The following IL1RAPL2 variants were observed in gnomAD, a reference collection of about 807,000 sequenced individuals.
IL1RAPL2 encodes the protein X-linked interleukin-1 receptor accessory protein-like 2.
IL1RAPL2 carries 3 observed loss-of-function variants against 44.1 expected under a neutral mutation model. That is an observed-to-expected ratio of 0.07 (90% CI 0.03 to 0.18). IL1RAPL2 has a LOEUF of 0.18. IL1RAPL2 is among the 10% of genes least tolerant of loss of function. IL1RAPL2 has a pLI of 1.00. For missense variants in IL1RAPL2, 391 were observed against 496.4 expected (o/e 0.79, Z 2.02); for synonymous variants, 181 against 178.8 (o/e 1.01, Z -0.10).
intron 2 of IL1RAPL2, among the ~76,000 whole-genome samples, chrX:104,822,092 T>C (rs1602744087): frequency 9.0e-6 from 1 of 111,688 alleles, no homozygotes; most frequent in South Asian, 3.7e-4. Context: ...TGATGGGGTG[T>C]TTTTTTGTTG....
chrX:104,638,781 A>G, intron 1 of IL1RAPL2, among the ~76,000 whole-genome samples: 1 of 112,436 alleles, frequency 8.9e-6, no homozygotes, highest in East Asian at 2.8e-4. Context: ...GGCCTAACAT[A>G]TGGTCTATTC....
intron 2 of IL1RAPL2, among the ~76,000 whole-genome samples, chrX:104,871,718 T>C (rs1240994556): frequency 8.9e-6 from 1 of 111,779 alleles, no homozygotes; most frequent in Non-Finnish European, 1.9e-5. Flanking sequence ...CAAACTGAGA[T>C]ATCTTCAATA....
intron 8 of IL1RAPL2, among the ~76,000 whole-genome samples, chrX:105,747,146 G>A (rs1040552621): frequency 9.1e-6 from 1 of 110,261 alleles, no homozygotes; most frequent in Non-Finnish European, 1.9e-5. Flanking sequence ...GGAGAGCCAC[G>A]TTTTACATAG....
At chrX:105,463,573 CA>C (rs2147767647) in intron 5 of IL1RAPL2, among the ~76,000 whole-genome samples, 1 of 2,484 alleles carries the variant, frequency 4.0e-4, no homozygotes, top group South Asian at 0.012. Context: ...CTCTCTCCCA[CA>C]CACACACACA....
At chrX:105,317,109 T>C (rs1055598130) in intron 5 of IL1RAPL2, among the ~76,000 whole-genome samples, 31 of 111,985 alleles carry the variant, frequency 2.8e-4, no homozygotes, top group African/African-American at 8.8e-4. Context: ...AGAACTAGGC[T>C]GTATGTTTAA....
At chrX:105,516,011 AG>A (rs748961159) in intron 6 of IL1RAPL2, among the ~76,000 whole-genome samples, 66 of 111,802 alleles carry the variant, frequency 5.9e-4, no homozygotes, top group African/African-American at 2.0e-3. Flanking sequence ...GGCTGTCAGA[AG>A]GGTTTAGAAG....
At chrX:105,385,491 T>C (rs1002349964) in intron 5 of IL1RAPL2, among the ~76,000 whole-genome samples, 4 of 110,791 alleles carry the variant, frequency 3.6e-5, no homozygotes, top group African/African-American at 9.8e-5. Flanking sequence ...ACTTACAACA[T>C]AGTACATCAT....
chrX:105,256,439 C>G (rs1412637531), intron 4 of IL1RAPL2, among the ~76,000 whole-genome samples: 2 of 109,403 alleles, frequency 1.8e-5, no homozygotes, highest in Non-Finnish European at 3.8e-5. Flanking sequence ...AGCAATTCTC[C>G]TATCTCAGCC....
chrX:104,734,100 T>C (rs1931971036), intron 2 of IL1RAPL2, among the ~76,000 whole-genome samples: 1 of 112,187 alleles, frequency 8.9e-6, no homozygotes, highest in Non-Finnish European at 1.9e-5. Flanking sequence ...GGGATGTCAC[T>C]ACATGCCTAT....
intron 2 of IL1RAPL2, among the ~76,000 whole-genome samples, chrX:104,856,673 A>C (rs1237771311): frequency 8.9e-6 from 1 of 112,073 alleles, no homozygotes; most frequent in African/African-American, 3.2e-5. Flanking sequence ...TCTTATACAT[A>C]ATGATAATGG....
At chrX:105,458,999 A>G (rs1431676477) in intron 5 of IL1RAPL2, among the ~76,000 whole-genome samples, 1 of 111,589 alleles carries the variant, frequency 9.0e-6, no homozygotes, top group African/African-American at 3.3e-5. Context: ...GCCAATTAAA[A>G]CACCACGAAG....
intron 6 of IL1RAPL2, among the ~76,000 whole-genome samples, chrX:105,609,642 G>T (rs2037320694): frequency 8.9e-6 from 1 of 111,732 alleles, no homozygotes; most frequent in Non-Finnish European, 1.9e-5. Flanking sequence ...AAAAGCCTGT[G>T]AGTCAGGAAT....
chrX:105,753,613 T>C (rs1241797485), intron 9 of IL1RAPL2, among the ~76,000 whole-genome samples: 1 of 110,914 alleles, frequency 9.0e-6, no homozygotes, highest in Non-Finnish European at 1.9e-5. Flanking sequence ...TAGCATTGCT[T>C]ATGAACATTC....
intron 2 of IL1RAPL2, among the ~76,000 whole-genome samples, chrX:105,105,161 A>G (rs2032722242): frequency 9.0e-6 from 1 of 111,695 alleles, no homozygotes; most frequent in Admixed American, 9.5e-5. Context: ...TGAGGATATG[A>G]GGCTTTGGAA....
At chrX:104,820,165 CTCTT>C (rs1249129862) in intron 2 of IL1RAPL2, among the ~76,000 whole-genome samples, 3 of 111,743 alleles carry the variant, frequency 2.7e-5, no homozygotes, top group Non-Finnish European at 5.6e-5. Flanking sequence ...ACCTATTAGA[CTCTT>C]TCCACAACTG....
intron 2 of IL1RAPL2, among the ~76,000 whole-genome samples, chrX:104,916,369 T>C (rs1463449632): frequency 9.0e-6 from 1 of 111,638 alleles, no homozygotes; most frequent in African/African-American, 3.3e-5. Context: ...GGCTCTCTGT[T>C]TGTCTGTTAT....
intron 2 of IL1RAPL2, among the ~76,000 whole-genome samples, chrX:104,862,168 A>G (rs984687919): frequency 1.8e-5 from 2 of 111,452 alleles, no homozygotes; most frequent in African/African-American, 6.5e-5. Context: ...AAAGGCTGAC[A>G]TAGGCTTGAA....
At chrX:105,625,368 G>C (rs749683309) in intron 6 of IL1RAPL2, among the ~76,000 whole-genome samples, 3 of 111,841 alleles carry the variant, frequency 2.7e-5, no homozygotes, top group African/African-American at 6.5e-5. Context: ...TGACAGATAT[G>C]TGTGGAACTA....
intron 1 of IL1RAPL2, among the ~76,000 whole-genome samples, chrX:104,570,297 A>G (rs775984421): frequency 2.7e-5 from 3 of 111,789 alleles, no homozygotes; most frequent in Non-Finnish European, 5.6e-5. Flanking sequence ...AATGTGCAAT[A>G]TGTGCTTTAA....
Sources: gnomAD v4.1 joint callset for allele counts (sites outside exome capture counted in the v4.1 genomes callset) on GRCh38, gnomAD v4.1.1 for gene constraint, MANE v1.5 for transcripts, NCBI Gene and HGNC (gene_info 2026-07-23, HGNC 2026-07-21) for gene names.